Variants in SNTG2 observed in about 807,000 individuals in gnomAD.
The protein encoded by SNTG2 is syntrophin gamma 2, also known as gamma-2-syntrophin.
A neutral mutation model predicts 70.9 loss-of-function variants in SNTG2; 74 were observed. The observed-to-expected ratio is 1.04, with a 90% CI of 0.86 to 1.27. SNTG2 has a LOEUF of 1.27. Ranked by LOEUF, SNTG2 falls within the 50% of genes most tolerant of loss-of-function variation. The pLI, the probability that SNTG2 is intolerant of heterozygous loss-of-function variation, is 0.00. For synonymous variants in SNTG2, 278 were observed against 273.8 expected (o/e 1.02, Z -0.15); for missense variants, 717 against 690.7 (o/e 1.04, Z -0.43).
chr2:1,211,102 A>G (rs1674010231), intron 9 of SNTG2, among the ~76,000 whole-genome samples: 1 of 152,234 alleles, frequency 6.6e-6, no homozygotes, highest in Non-Finnish European at 1.5e-5. Flanking sequence ...ATAGGTAAAT[A>G]GCCATTTGTA....
chr2:1,354,963 T>G (rs542546574), intron 16 of SNTG2, among the ~76,000 whole-genome samples: 3 of 152,220 alleles, frequency 2.0e-5, no homozygotes, highest in Non-Finnish European at 2.9e-5. Flanking sequence ...AAGGTCGGTT[T>G]GACTTCAGGC....
intron 1 of SNTG2, among the ~76,000 whole-genome samples, chr2:964,947 C>G (rs1362435294): frequency 6.6e-6 from 1 of 152,100 alleles, no homozygotes; most frequent in African/African-American, 2.4e-5. Flanking sequence ...CTCCTGTGCC[C>G]TGGTTCTGGT....
chr2:1,339,216 T>G (rs973523112), intron 16 of SNTG2, among the ~76,000 whole-genome samples: 1 of 152,182 alleles, frequency 6.6e-6, no homozygotes, highest in African/African-American at 2.4e-5. Context: ...GATTTTTTGT[T>G]TTTTTGATGT....
chr2:1,152,139 A>C (rs563098406), intron 6 of SNTG2, among the ~76,000 whole-genome samples: 8 of 152,178 alleles, frequency 5.3e-5, no homozygotes, highest in Non-Finnish European at 1.2e-4. Context: ...CTGACTCCTA[A>C]TTAGATGGTT....
intron 1 of SNTG2, among the ~76,000 whole-genome samples, chr2:1,082,657 T>C (rs965392782): frequency 6.6e-6 from 1 of 152,166 alleles, no homozygotes; most frequent in Admixed American, 6.5e-5. Context: ...CCACCCCTGC[T>C]CCTGCACTCC....
chr2:1,337,610 T>A (rs933181576), intron 16 of SNTG2, among the ~76,000 whole-genome samples: 3 of 152,186 alleles, frequency 2.0e-5, no homozygotes, highest in African/African-American at 7.2e-5. Flanking sequence ...AATGTGTGAT[T>A]TGCGGATGTC....
intron 9 of SNTG2, among the ~76,000 whole-genome samples, chr2:1,229,297 C>G (rs552156446): frequency 2.0e-5 from 2 of 102,118 alleles, no homozygotes; most frequent in African/African-American, 8.0e-5. Flanking sequence ...AGGTTCTCCA[C>G]GTTCCCATCA....
At chr2:1,179,549 A>G (rs1382375015) in intron 8 of SNTG2, among the ~76,000 whole-genome samples, 11 of 151,466 alleles carry the variant, frequency 7.3e-5, no homozygotes, top group Non-Finnish European at 1.2e-4. Context: ...ACAAACCACT[A>G]CTCAATGAAA....
intron 4 of SNTG2, among the ~76,000 whole-genome samples, chr2:1,136,320 AGAGAGACACAGAGACAGT>A (rs1668382842): frequency 6.6e-6 from 1 of 151,620 alleles, no homozygotes; most frequent in Admixed American, 6.6e-5. Flanking sequence ...AGAAAGAGAC[AGAGAGACACAGAGACAGT>A]GAGAGACACC....
chr2:1,251,461 CCA>C (rs1366869288), intron 12 of SNTG2, among the ~76,000 whole-genome samples: 2 of 147,460 alleles, frequency 1.4e-5, no homozygotes, highest in East Asian at 4.0e-4. Flanking sequence ...ACTACACACA[CCA>C]CACACACACC....
At chr2:1,155,997 C>CCAGGA (rs1553340542) in intron 6 of SNTG2, among the ~76,000 whole-genome samples, 5 of 152,054 alleles carry the variant, frequency 3.3e-5, no homozygotes, top group Non-Finnish European at 5.9e-5. Flanking sequence ...CCAGGCCAGG[C>CCAGGA]CAGGACACCG....
rs755044566 is a variant in SNTG2 at position 1,267,345 on chromosome 2, A to G, written c.1078-20A>G. 1.3e-6 allele frequency: 2 copies of G among 1,576,880 alleles called. No individual in the cohort carries two copies. The highest frequency in any genetic ancestry group is 1.2e-5 in the South Asian group (1 of 86,238). On this transcript the variant is annotated intron_variant, in intron 13 of 16. Transcript: ENST00000308624. Reference sequence around the variant, plus strand: ...GACCTTCCAGCGCTGCACGTTTCCAATCCATGCTCTGTTTTTCAGTTCTGG... The same window carrying G: ...GACCTTCCAGCGCTGCACGTTTCCAGTCCATGCTCTGTTTTTCAGTTCTGG...
Position 1,267,535 on chromosome 2 carries a change from C to A in SNTG2, c.1248C>A (p.Phe416Leu). ...AGCTGGCCATGTGGGAGAAGTCCTT[C>A]CAAAGAGCCACGTTCATGGAAGTTC... ...GSELAMWEKS[F>L]QRATFMEVQR... Residue 416 changes from phenylalanine to leucine, a missense_variant, in exon 14 of 17, where the codon TTC (phenylalanine) becomes TTA (leucine). By Grantham distance (22) the Phe-to-Leu change is conservative. Coordinates refer to ENST00000308624, the MANE Select transcript of SNTG2 (RefSeq NM_018968.4). The A allele has an allele frequency of 6.2e-7, 1 of 1,613,512 alleles. No homozygotes were observed. Among genetic ancestry groups the A allele is most frequent in the Non-Finnish European group, 8.5e-7 (1 of 1,179,898 alleles).
At chr2:1,149,484 C>G (rs1024094276) in intron 6 of SNTG2, among the ~76,000 whole-genome samples, 41 of 152,222 alleles carry the variant, frequency 2.7e-4, no homozygotes, top group African/African-American at 9.9e-4. Flanking sequence ...TATTTTCGTC[C>G]ATGAGCATAT....
chr2:1,005,288 A>ACACCTGGAGTG (rs992735436), intron 1 of SNTG2, among the ~76,000 whole-genome samples: 1 of 152,094 alleles, frequency 6.6e-6, no homozygotes, highest in African/African-American at 2.4e-5. Context: ...AGAATGCACA[A>ACACCTGGAGTG]CACCTGGAGT....
chr2:1,095,045 C>T lies in SNTG2; in HGVS notation c.211-3151C>T, dbSNP rs1665297470. Among the ~76,000 whole-genome samples the T allele has an allele frequency of 5.2e-5, 7 of 133,982 alleles. No individual in the cohort carries two copies. The South Asian group carries it at 1.3e-3, about 26-fold the overall frequency. 87.9% of individuals were successfully genotyped at this position (133,982 alleles called of 152,430 possible). A position where few individuals can be genotyped will look rare whatever the true frequency, so the allele number is the denominator to read the frequency against. ...TATGTGTGTCCTCACATGGTAGAGA[C>T]AGCGAGGTGGGGGTGGGGAGAGAAA... On this transcript the variant is annotated intron_variant, in intron 2 of 16. Transcript: ENST00000308624.
At chr2:1,007,044 TAA>T (rs1659593619) in intron 1 of SNTG2, among the ~76,000 whole-genome samples, 1 of 151,764 alleles carries the variant, frequency 6.6e-6, no homozygotes, top group Admixed American at 6.6e-5. Context: ...AATAAATAAA[TAA>T]ATAAATAAAT....
In SNTG2 at chr2:1,019,818, G is replaced by A. The variant is rs151035448; in HGVS notation, c.73-63700G>A. ...AATCCCAGCACTTTGGGAGGCCGAGGCAGGTGGATCACCTGAGGTCAGGAG... is the reference window on the plus strand; with the variant it reads ...AATCCCAGCACTTTGGGAGGCCGAGACAGGTGGATCACCTGAGGTCAGGAG... On this transcript the variant is annotated intron_variant, in intron 1 of 16. Coordinates refer to ENST00000308624, the MANE Select transcript of SNTG2 (RefSeq NM_018968.4). Among the ~76,000 whole-genome samples, 6 of 152,274 alleles carry A rather than the reference G, an allele frequency of 3.9e-5. No individual in the cohort carries two copies. In the East Asian group the frequency reaches 1.2e-3, roughly 29 times the overall value.
At chr2:1,293,657 T>C (rs1458786344) in intron 14 of SNTG2, among the ~76,000 whole-genome samples, 1 of 152,244 alleles carries the variant, frequency 6.6e-6, no homozygotes, top group East Asian at 1.9e-4. Flanking sequence ...CTGATTTTCA[T>C]TTTCCTTCTG....
Sources: allele counts gnomAD v4.1 joint callset (sites outside exome capture counted in the v4.1 genomes callset), GRCh38; gene constraint gnomAD v4.1.1; transcripts MANE v1.5; gene names NCBI Gene and HGNC (gene_info 2026-07-23, HGNC 2026-07-21).